RAP1GAP2: variants seen among roughly 807,000 people sequenced by gnomAD.
The protein encoded by RAP1GAP2 is rap1 GTPase-activating protein 2.
In RAP1GAP2, 27 loss-of-function variants were observed where a neutral mutation model predicts 95.0. The ratio of observed to expected loss-of-function variants is 0.28; its 90% CI spans 0.21 to 0.39. The LOEUF is 0.39. Ranked by LOEUF, RAP1GAP2 falls within the 10% of genes least tolerant of loss-of-function variation. The probability of loss-of-function intolerance (pLI) is 1.00; values close to 1 mark genes in which losing one functional copy is unlikely to be tolerated. For missense variants in RAP1GAP2, 771 were observed against 970.0 expected, an observed-to-expected ratio of 0.79 and a Z score of 2.72; for synonymous variants, 373 against 380.9, an observed-to-expected ratio of 0.98 and a Z score of 0.24.
chr17:2,798,897 G>A (rs1051622713), intron 1 of RAP1GAP2, among the ~76,000 whole-genome samples: 6 of 152,180 alleles, frequency 3.9e-5, no homozygotes, highest in African/African-American at 1.2e-4. Flanking sequence ...ACCCGACAGC[G>A]GTCAGAGGTG....
intron 2 of RAP1GAP2, among the ~76,000 whole-genome samples, chr17:2,889,322 C>T (rs1005247733): frequency 7.2e-5 from 11 of 152,162 alleles, no homozygotes; most frequent in Non-Finnish European, 1.5e-4. Flanking sequence ...TCTATGAGCT[C>T]CCCATGTGTT....
intron 2 of RAP1GAP2, among the ~76,000 whole-genome samples, chr17:2,873,790 T>C (rs901429022): frequency 6.6e-6 from 1 of 152,114 alleles, no homozygotes; most frequent in African/African-American, 2.4e-5. Context: ...GAGATGGAGT[T>C]CCAGTCTTGT....
chr17:2,829,817 A>AT (rs34423747), intron 2 of RAP1GAP2, among the ~76,000 whole-genome samples: 78,318 of 130,874 alleles, frequency 0.6, 23,837 homozygotes, highest in Non-Finnish European at 0.65. Context: ...TCTCTCTTAA[A>AT]TTTTTTTTTT....
At chr17:2,764,764 T>G (rs1451837441) in intron 1 of RAP1GAP2, among the ~76,000 whole-genome samples, 1 of 152,032 alleles carries the variant, frequency 6.6e-6, no homozygotes, top group Non-Finnish European at 1.5e-5. Flanking sequence ...CAGAGTGAGA[T>G]TCCATCTCAA....
intron 2 of RAP1GAP2, among the ~76,000 whole-genome samples, chr17:2,884,313 CTGTATG>C (rs2073406475): frequency 6.6e-6 from 1 of 150,932 alleles, no homozygotes; most frequent in Non-Finnish European, 1.5e-5. Flanking sequence ...CTCCTTCACT[CTGTATG>C]TGAATGGGCG....
At chr17:2,995,164 C>G (rs1347242502) in intron 12 of RAP1GAP2, among the ~76,000 whole-genome samples, 173 bp from the exon 13 acceptor site, 1 of 152,162 alleles carries the variant, frequency 6.6e-6, no homozygotes, top group Non-Finnish European at 1.5e-5. Flanking sequence ...CGCTGATATA[C>G]CTGGAAGAAC....
At chr17:2,763,588 A>G (rs909827716) in intron 1 of RAP1GAP2, among the ~76,000 whole-genome samples, 1 of 151,780 alleles carries the variant, frequency 6.6e-6, no homozygotes, top group African/African-American at 2.4e-5. Flanking sequence ...CCCAGCTACT[A>G]GGGAGGCTGA....
chr17:2,773,396 A>T (rs1314194776), upstream of RAP1GAP2, among the ~76,000 whole-genome samples: 1 of 152,230 alleles, frequency 6.6e-6, no homozygotes, highest in Non-Finnish European at 1.5e-5. Flanking sequence ...TCTGAGTTTC[A>T]GCAAGCAATT....
At chr17:2,828,656 G>A (rs2070695920) in intron 2 of RAP1GAP2, among the ~76,000 whole-genome samples, 1 of 152,174 alleles carries the variant, frequency 6.6e-6, no homozygotes, top group South Asian at 2.1e-4. Context: ...GGGAGAGCAG[G>A]TGGGGCCGCG....
At chr17:2,891,202 C>A (rs2073702387) in intron 2 of RAP1GAP2, among the ~76,000 whole-genome samples, 1 of 151,666 alleles carries the variant, frequency 6.6e-6, no homozygotes, top group Admixed American at 6.6e-5. Context: ...GGCTGGAGTG[C>A]AGTGCCACAT....
chr17:2,770,077 C>CAAAA (rs533020473), intron 1 of RAP1GAP2, among the ~76,000 whole-genome samples: 5,150 of 98,024 alleles, frequency 0.053, 148 homozygotes, highest in East Asian at 0.11. Flanking sequence ...GGTCTCAAAA[C>CAAAA]AAAAAAAAAA....
chr17:3,030,779 G>C, intron 22 of RAP1GAP2, 143 bp from the exon 23 acceptor site: 1 of 683,584 alleles, frequency 1.5e-6, no homozygotes, highest in Non-Finnish European at 2.5e-6. Flanking sequence ...TGGCTCTCGT[G>C]GGTCGGCACA....
intron 3 of RAP1GAP2, among the ~76,000 whole-genome samples, chr17:2,950,903 G>A (rs557493385): frequency 4.6e-5 from 7 of 151,916 alleles, no homozygotes; most frequent in Admixed American, 1.3e-4. Context: ...GAGCCACCGC[G>A]CCCGGCCTGC....
At position 2,777,688 on chromosome 17, in the gene RAP1GAP2, G is replaced by A. The variant is rs571362099; in HGVS notation, c.-14+410G>A. Among the ~76,000 whole-genome samples the A allele has an allele frequency of 1.1e-3, 163 of 152,290 alleles. 1 individual carries two copies. Among genetic ancestry groups the A allele is most frequent in the African/African-American group, 3.7e-3 (153 of 41,554 alleles). ...TTTCTATAGCTCCCCCTACATGCTTGTTAACAAACCTGAAGGGCACTTGTA... is the reference window on the plus strand; with the variant it reads ...TTTCTATAGCTCCCCCTACATGCTTATTAACAAACCTGAAGGGCACTTGTA... On this transcript the variant is annotated intron_variant, in intron 1 of 24. Transcript: ENST00000540393.
At chr17:2,826,132 CA>C (rs1313772452) in intron 2 of RAP1GAP2, among the ~76,000 whole-genome samples, 3 of 149,538 alleles carry the variant, frequency 2.0e-5, no homozygotes, top group African/African-American at 7.4e-5. Flanking sequence ...AGGCACCCAC[CA>C]CCACGCCCAG....
intron 2 of RAP1GAP2, among the ~76,000 whole-genome samples, chr17:2,806,752 C>T (rs1184709040): frequency 1.3e-5 from 2 of 151,664 alleles, no homozygotes; most frequent in African/African-American, 4.8e-5. Context: ...CTCACTCTCT[C>T]TCAGGCTGGA....
intron 2 of RAP1GAP2, among the ~76,000 whole-genome samples, chr17:2,899,991 C>T (rs2041971870): frequency 6.6e-6 from 1 of 152,144 alleles, no homozygotes; most frequent in Non-Finnish European, 1.5e-5. Flanking sequence ...TTGGTTTTCC[C>T]GAGAAGCTCT....
chr17:2,996,000 A>T (rs2045945841), intron 13 of RAP1GAP2, among the ~76,000 whole-genome samples: 1 of 149,350 alleles, frequency 6.7e-6, no homozygotes, highest in Non-Finnish European at 1.5e-5. Context: ...GGGATTACAT[A>T]CATTTCTGAC....
chr17:3,012,297 TA>T (rs566968191), intron 17 of RAP1GAP2, among the ~76,000 whole-genome samples: 66 of 144,872 alleles, frequency 4.6e-4, no homozygotes, highest in African/African-American at 1.2e-3. Context: ...CACTTAGATC[TA>T]AAAAAAAAAA....
Sources: gnomAD v4.1 joint callset for allele counts (sites outside exome capture counted in the v4.1 genomes callset) on GRCh38, gnomAD v4.1.1 for gene constraint, MANE v1.5 for transcripts, NCBI Gene and HGNC (gene_info 2026-07-23, HGNC 2026-07-21) for gene names.